The following IFT140 variants were observed in gnomAD, a reference collection of about 807,000 sequenced individuals.
The protein encoded by IFT140 is intraflagellar transport 140.
In IFT140, 133 loss-of-function variants were observed where a neutral mutation model predicts 164.6. The observed-to-expected ratio is 0.81, with a 90% CI of 0.70 to 0.93. The LOEUF is 0.93. Among genes scored for constraint, IFT140 ranks in the 40% least tolerant of loss-of-function variants. The probability of loss-of-function intolerance (pLI) is 0.00; values close to 1 mark genes in which losing one functional copy is unlikely to be tolerated. For synonymous variants in IFT140, 860 were observed against 817.3 expected, an observed-to-expected ratio of 1.05 and a Z score of -0.89; for missense variants, 2,045 against 1,972.3, an observed-to-expected ratio of 1.04 and a Z score of -0.70.
chr16:1,518,408 G>GCTATCAGAGGTCAGAGGAGACTCTTGGC, intron 29 of IFT140, 51 bp from the exon 30 acceptor site: 1 of 1,570,212 alleles, frequency 6.4e-7, no homozygotes, highest in East Asian at 2.3e-5. Flanking sequence ...AACACCTACT[G>GCTATCAGAGGTCAGAGGAGACTCTTGGC]CTATCAGAGG....
intron 19 of IFT140, among the ~76,000 whole-genome samples, chr16:1,550,167 C>T (rs572619379): frequency 5.7e-4 from 86 of 152,078 alleles, no homozygotes; most frequent in African/African-American, 1.7e-3. Context: ...CTCAAACTCC[C>T]GGGCTCAAGC....
chr16:1,515,974 C>T (rs1199024861), intron 30 of IFT140, among the ~76,000 whole-genome samples: 9 of 151,730 alleles, frequency 5.9e-5, no homozygotes, highest in Non-Finnish European at 1.5e-5. Flanking sequence ...AACCCCATCT[C>T]CCCTAAAAAT....
Position 1,587,958 on chromosome 16 carries a change from T to A in IFT140, c.877A>T (p.Met293Leu), listed in dbSNP as rs761441382. Residue 293 changes from methionine to leucine, a missense_variant, in exon 8 of 31, where the codon ATG becomes TTG. By Grantham distance (15) the Met-to-Leu change is conservative. Transcript: ENST00000426508. Reference protein sequence around the residue: ...IALIEGSLLVMAVGEAALRFW... With the variant: ...IALIEGSLLVLAVGEAALRFW... ...CTGAGGGCAGCCTCCCCGACGGCCA[T>A]CACGAGAAGGCTGCCTTCAATCAAA... The A allele has an allele frequency of 1.9e-5, 30 of 1,613,130 alleles. No homozygotes were observed. The highest frequency in any genetic ancestry group is 2.4e-5 in the Non-Finnish European group (28 of 1,179,598).
chr16:1,596,077 C>G (rs1210798419), intron 4 of IFT140, among the ~76,000 whole-genome samples: 1 of 152,088 alleles, frequency 6.6e-6, no homozygotes, highest in Non-Finnish European at 1.5e-5. Flanking sequence ...AACAAACAAA[C>G]AAACAAAACC....
At chr16:1,532,581 G>T (rs530830303) in intron 19 of IFT140, 217 of 152,422 alleles carry the variant, frequency 1.4e-3, no homozygotes, top group African/African-American at 5.0e-3. Flanking sequence ...GACAGGAAAC[G>T]GTCAAAGCTC....
chr16:1,569,290 G>C (rs1489967544), intron 14 of IFT140, among the ~76,000 whole-genome samples: 4 of 152,228 alleles, frequency 2.6e-5, no homozygotes, highest in Admixed American at 6.5e-5. Flanking sequence ...TTACAGGCGT[G>C]AGCCACCGCG....
chr16:1,575,276 G>A (rs2034218013), intron 13 of IFT140, among the ~76,000 whole-genome samples: 1 of 152,160 alleles, frequency 6.6e-6, no homozygotes, highest in Admixed American at 6.5e-5. Flanking sequence ...TTGGGAGGCT[G>A]AGGCAGGAGG....
chr16:1,603,845 G>C (rs1350619229), intron 3 of IFT140, among the ~76,000 whole-genome samples: 1 of 152,194 alleles, frequency 6.6e-6, no homozygotes, highest in East Asian at 1.9e-4. Flanking sequence ...TGCGTTTTCA[G>C]AGATTAACTT....
intron 18 of IFT140, among the ~76,000 whole-genome samples, chr16:1,558,495 A>G (rs1471968005): frequency 6.6e-6 from 1 of 152,254 alleles, no homozygotes; most frequent in East Asian, 1.9e-4. Context: ...GAGAGCCCTC[A>G]GCCTGGGCAG....
At chr16:1,581,841 G>A (rs1333890174) in intron 12 of IFT140, among the ~76,000 whole-genome samples, 1 of 148,630 alleles carries the variant, frequency 6.7e-6, no homozygotes, top group Non-Finnish European at 1.5e-5. Flanking sequence ...GAGGGGATGT[G>A]AAGTGTCGGT....
At chr16:1,515,455 G>A (rs912313544) in intron 30 of IFT140, among the ~76,000 whole-genome samples, 1 of 152,162 alleles carries the variant, frequency 6.6e-6, no homozygotes, top group Non-Finnish European at 1.5e-5. Flanking sequence ...CACCCAGGCT[G>A]GAGTGCAGTG....
rs759506990 is a variant in IFT140, at chr16:1,564,553, G to A, written c.1902-391C>T. On this transcript the variant is annotated intron_variant, in intron 16 of 30. Transcript: ENST00000426508. This position sits in a 1 kb window ranked among gnomAD's most constrained non-coding sequence, Gnocchi z 5.5. ...GAGGCTTTGGCTCTGTGGTCATGCC[G>A]GGTTCCTTGTCCCCACCGGTCCCTG... 4.1e-4 allele frequency among the ~76,000 whole-genome samples: 62 copies of A among 152,220 alleles called. No homozygotes were observed. Among genetic ancestry groups the A allele is most frequent in the Admixed American group, 1.8e-3 (27 of 15,284 alleles).
At position 1,513,632 on chromosome 16, in the gene IFT140, T is replaced by C. The variant is rs112625744; in HGVS notation, c.4183-2482A>G. ...GCCGTGAGCAGGCTGATGCTGGGAG[T>C]GGGTGGCACTGGGCAGGCTTCCTGC... On this transcript the variant is annotated intron_variant, in intron 30 of 30. Coordinates refer to ENST00000426508, the MANE Select transcript of IFT140 (RefSeq NM_014714.4). Among the ~76,000 whole-genome samples, 1,148 of 149,646 alleles carry C rather than the reference T, an allele frequency of 7.7e-3. 14 individuals carry two copies. Among genetic ancestry groups the C allele is most frequent in the African/African-American group, 0.017 (690 of 40,872 alleles).
Position 1,564,195 on chromosome 16 carries a change from A to C in IFT140, c.1902-33T>G. 6.5e-7 allele frequency: 1 copy of C among 1,527,308 alleles called. No individual in the cohort carries two copies. The highest frequency in any genetic ancestry group is 1.3e-5 in the South Asian group (1 of 79,560). The allele number at this position is 1,527,308 out of a possible 1,614,324, so 94.6% of individuals were successfully genotyped here. A position where few individuals can be genotyped will look rare whatever the true frequency, so the allele number is the denominator to read the frequency against. The stretch of plus-strand genomic sequence containing the variant: ...ACAAAGGAAGACCCGTTTCAACCCC[A>C]GGGCGGGCACTCCTGCTACCAGTCT... On this transcript the variant is annotated intron_variant, in intron 16 of 30. Transcript: ENST00000426508. This position sits in a 1 kb window ranked among gnomAD's most constrained non-coding sequence, Gnocchi z 5.5.
At chr16:1,588,818 C>T (rs1158080372) in intron 7 of IFT140, among the ~76,000 whole-genome samples, 1 of 152,080 alleles carries the variant, frequency 6.6e-6, no homozygotes, top group African/African-American at 2.4e-5. Flanking sequence ...ACTGTACTTG[C>T]CTTCAGGAGG....
rs201851204 is a variant in IFT140 at position 1,525,899 on chromosome 16, C to T, written c.2756G>A (p.Arg919Gln). ...GGGCCGCACTCACTAACTGAGGGCC[C>T]GGCTGCAGTCGGCGCTGGCCTCCAG... Reference protein sequence around the residue: ...GHLEASADCSRALSYYEKSDT... With the variant: ...GHLEASADCSQALSYYEKSDT... Residue 919 changes from arginine to glutamine, a missense_variant, in exon 21 of 31, where the codon CGG becomes CAG. Physicochemically the swap from Arg to Gln is conservative, Grantham distance 43. Coordinates refer to ENST00000426508, the MANE Select transcript of IFT140 (RefSeq NM_014714.4). 1.2e-4 allele frequency: 189 copies of T among 1,546,938 alleles called. No individual in the cohort carries two copies. The African/African-American group carries it at 1.8e-3, about 15-fold the overall frequency.
intron 12 of IFT140, among the ~76,000 whole-genome samples, chr16:1,581,056 G>A (rs557195477): frequency 1.2e-4 from 19 of 152,334 alleles, no homozygotes; most frequent in African/African-American, 4.1e-4. Context: ...GTGGCAGTGC[G>A]TGCGGGTCCT....
chr16:1,526,115 A>G (rs2141180749), intron 20 of IFT140, 38 bp from the exon 21 acceptor site: 11 of 1,530,264 alleles, frequency 7.2e-6, no homozygotes, highest in Non-Finnish European at 8.8e-6. Flanking sequence ...TGCAGCCTCC[A>G]CACACCCACG....
chr16:1,606,621 C>T (rs557909143), intron 3 of IFT140, among the ~76,000 whole-genome samples: 6 of 152,226 alleles, frequency 3.9e-5, no homozygotes, highest in African/African-American at 1.4e-4. Flanking sequence ...CCACCATGCC[C>T]GGCTAATTTT....
Sources: gnomAD v4.1 joint callset for allele counts (sites outside exome capture counted in the v4.1 genomes callset) on GRCh38, gnomAD v4.1.1 for gene constraint, Gnocchi (gnomAD v3.1) non-coding constraint, MANE v1.5 for transcripts, NCBI Gene and HGNC (gene_info 2026-07-23, HGNC 2026-07-21) for gene names.